The following CARMIL2 variants were observed in gnomAD, a reference collection of about 807,000 sequenced individuals.
The protein encoded by CARMIL2 is capping protein regulator and myosin 1 linker 2, also known as capping protein, Arp2/3 and myosin-I linker protein 2.
CARMIL2 carries 96 observed loss-of-function variants against 173.3 expected under a neutral mutation model. That is an observed-to-expected ratio of 0.55 (90% confidence interval 0.47 to 0.66). The LOEUF (loss-of-function observed/expected upper bound fraction) is 0.66, where lower values mean the gene tolerates loss of function less well. Among genes scored for constraint, CARMIL2 ranks in the 30% least tolerant of loss-of-function variants. CARMIL2 has a pLI of 0.00. For synonymous variants in CARMIL2, 830 were observed against 817.1 expected (o/e 1.02, Z -0.27); for missense variants, 1,771 against 1,906.7 (o/e 0.93, Z 1.33).
Position 67,645,650 on chromosome 16 carries a change from A to C in CARMIL2, c.132+19A>C. 1 of 1,613,420 alleles carries C rather than the reference A, an allele frequency of 6.2e-7. No homozygotes were observed. The highest frequency in any genetic ancestry group is 8.5e-7 in the Non-Finnish European group (1 of 1,179,712). ...TGTCCTGGTATGGGGCAGGGGACAG[A>C]GCCGGGGAGGCGGCTGTGGCCCCAC... On this transcript the variant is annotated intron_variant, in intron 2 of 37. Coordinates refer to ENST00000334583, the MANE Select transcript of CARMIL2 (RefSeq NM_001013838.3).
rs1396051096 is a variant in CARMIL2, at chr16:67,656,081, T to C, written c.3742+14T>C. ...CTGGCTCAGATGGTAAGTGGGACCC[T>C]GGGGTGTGGCAGTACATTTGCCAGG... On this transcript the variant is annotated intron_variant, in intron 33 of 37. Coordinates refer to ENST00000334583, the MANE Select transcript of CARMIL2 (RefSeq NM_001013838.3). The C allele has an allele frequency of 6.2e-7, 1 of 1,607,260 alleles. No homozygotes were observed. Among genetic ancestry groups the C allele is most frequent in the Non-Finnish European group, 8.5e-7 (1 of 1,176,774 alleles).
At position 67,650,064 on chromosome 16, in the gene CARMIL2, T is replaced by C. The variant is rs776393840; in HGVS notation, c.2098T>C (p.Leu700=). The change falls in exon 22 of 38, where the codon TTG becomes CTG. Residue 700 remains leucine, a synonymous_variant. Coordinates refer to ENST00000334583, the MANE Select transcript of CARMIL2 (RefSeq NM_001013838.3). ...TTGCCCCTAGATCCAAGCCTGTCTC[T>C]TGAGGAACAACCGCGCAGACCCTGC... ...RAVHQIQACL[L]RNNRADPASS... 1.2e-6 allele frequency: 2 copies of C among 1,613,866 alleles called. No homozygotes were observed. Among genetic ancestry groups the C allele is most frequent in the Non-Finnish European group, 1.7e-6 (2 of 1,179,872 alleles).
intron 11 of CARMIL2, 22 bp from the exon 12 acceptor site, chr16:67,647,658 G>A (rs367874910): frequency 5.0e-6 from 8 of 1,599,760 alleles, no homozygotes; most frequent in Non-Finnish European, 6.8e-6. Flanking sequence ...TGAGACCCAC[G>A]TGGCTGTTCC....
At chr16:67,655,609 CCA>C (rs1256388869) in intron 32 of CARMIL2, among the ~76,000 whole-genome samples, 1 of 152,122 alleles carries the variant, frequency 6.6e-6, no homozygotes, top group African/African-American at 2.4e-5. Flanking sequence ...ATCAGAGCCT[CCA>C]CACACGTCCC....
rs752353807 is a variant in CARMIL2 at position 67,650,004 on chromosome 16, C to G, written c.2082+36C>G. ...CCCTCTTCCCTTGCCCTTCTCTGCA[C>G]GGTAACTCCGTCCCTCGGCATTTCT... On this transcript the variant is annotated intron_variant, in intron 21 of 37. Coordinates refer to ENST00000334583, the MANE Select transcript of CARMIL2 (RefSeq NM_001013838.3). The G allele has an allele frequency of 1.7e-5, 27 of 1,613,394 alleles. No individual in the cohort carries two copies. In the East Asian group the frequency reaches 2.2e-4, roughly 13 times the overall value.
chr16:67,656,347 A>G, intron 34 of CARMIL2, 48 bp downstream of exon 34: 1 of 1,611,488 alleles, frequency 6.2e-7, no homozygotes, highest in South Asian at 1.1e-5. Context: ...AGGGACAGGC[A>G]GGAGTTGGGT....
In CARMIL2 at chr16:67,652,968, G is replaced by A. The variant is rs2142940450; in HGVS notation, c.2885-51G>A. 5 of 1,036,014 alleles carry A rather than the reference G, an allele frequency of 4.8e-6. No homozygotes were observed. Among genetic ancestry groups the A allele is most frequent in the Admixed American group, 3.9e-5 (1 of 25,482 alleles). 64.2% of individuals were successfully genotyped at this position (1,036,014 alleles called of 1,614,324 possible). ...CCCCCGCCGCCCTAGCGCCTCCGCC[G>A]CCACCTCCCCGGGCTCGGCGCTCGG... is the stretch of plus-strand genomic sequence containing the variant. On this transcript the variant is annotated intron_variant, in intron 28 of 37. Transcript: ENST00000334583. The surrounding 1 kb of genome is among the most constrained non-coding windows in gnomAD (Gnocchi z 4.7).
Position 67,649,497 on chromosome 16 carries a change from C to G in CARMIL2, c.1797C>G (p.Ser599Arg). The change falls in exon 20 of 38, where the codon AGC becomes AGG. Residue 599 changes from serine to arginine, a missense_variant. Around this residue, in one of 3 missense-constraint regions of CARMIL2, gnomAD observed 944 missense variants for 975.6 expected, o/e 0.97. Transcript: ENST00000334583. The surrounding 1 kb of genome is among the most constrained non-coding windows in gnomAD (Gnocchi z 6.7). The part of the protein sequence containing the change: ...VAESRLKLGA[S>R]VLLRALATNP... The stretch of plus-strand genomic sequence containing the variant: ...AGTCTCGGCTGAAGCTGGGTGCCAG[C>G]GTCCTACTCCGGGCCCTAGCCACCA... 1 of 1,609,814 alleles carries G rather than the reference C, an allele frequency of 6.2e-7. No individual in the cohort carries two copies. The highest frequency in any genetic ancestry group is 8.5e-7 in the Non-Finnish European group (1 of 1,179,880).
rs1437235171 is a variant in CARMIL2, at chr16:67,650,206, C to T, written c.2184+56C>T. The T allele has an allele frequency of 8.3e-6, 12 of 1,448,844 alleles. No homozygotes were observed. The East Asian group carries it at 9.7e-5, about 12-fold the overall frequency. 89.7% of individuals were successfully genotyped at this position (1,448,844 alleles called of 1,614,324 possible). A position where few individuals can be genotyped will look rare whatever the true frequency, so the allele number is the denominator to read the frequency against. ...AGGGCATGAGGAGACCTGTGGCATC[C>T]GGGAGCCTCCATGAGTCAGAGGGTC... On this transcript the variant is annotated intron_variant, in intron 22 of 37. Coordinates refer to ENST00000334583, the MANE Select transcript of CARMIL2 (RefSeq NM_001013838.3).
At position 67,648,947 on chromosome 16, in the gene CARMIL2, GT is replaced by G; in HGVS notation, c.1565del (p.Val522GlyfsTer16). The stretch of plus-strand genomic sequence containing the variant: ...AGACTTAGTGTGCGACGCAGGCGCT[GT>G]GAGCTCCCTGGATCTGGCGGATAAC... ...IQDLVCDAGA[V>X]SSLDLADNGF... On this transcript the variant is annotated frameshift_variant, in exon 17 of 38. Transcript: ENST00000334583. LOFTEE classifies it high-confidence loss of function. The surrounding 1 kb of genome is among the most constrained non-coding windows in gnomAD (Gnocchi z 6.1). 1 of 1,610,038 alleles carries G rather than the reference GT, an allele frequency of 6.2e-7. No individual in the cohort carries two copies. The highest frequency in any genetic ancestry group is 8.5e-7 in the Non-Finnish European group (1 of 1,178,412).
chr16:67,651,378 T>C lies in CARMIL2; in HGVS notation c.2314-23T>C, dbSNP rs1004877277. 28 of 1,599,488 alleles carry C rather than the reference T, an allele frequency of 1.8e-5. No individual in the cohort carries two copies. The highest frequency in any genetic ancestry group is 2.4e-5 in the Non-Finnish European group (28 of 1,169,882). Reference sequence around the variant, plus strand: ...TCTTAGTCAGGTGTCAGCTCGCAACTGCTTTTCCTCTTTGGCCCTCAGATT... The same window carrying C: ...TCTTAGTCAGGTGTCAGCTCGCAACCGCTTTTCCTCTTTGGCCCTCAGATT... On this transcript the variant is annotated intron_variant, in intron 23 of 37. Transcript: ENST00000334583. The surrounding 1 kb of genome is among the most constrained non-coding windows in gnomAD (Gnocchi z 4.2).
intron 1 of CARMIL2, 120 bp from the exon 2 acceptor site, chr16:67,645,420 C>A: frequency 1.5e-6 from 2 of 1,346,130 alleles, no homozygotes; most frequent in Non-Finnish European, 2.1e-6. Flanking sequence ...GCCCCAGATC[C>A]TCTCCCCTCC....
Position 67,646,733 on chromosome 16 carries a change from C to T in CARMIL2, c.486C>T (p.Tyr162=), listed in dbSNP as rs767924418. 26 of 1,613,842 alleles carry T rather than the reference C, an allele frequency of 1.6e-5. No homozygotes were observed. The highest frequency in any genetic ancestry group is 2.2e-5 in the East Asian group (1 of 44,886). ...CCCCAGGTGGCTTCTTGGAGACATA[C>T]GAGGCTCTGTGTGACTACAATGGCT... The part of the protein sequence containing the change: ...CSPCGGFLET[Y]EALCDYNGFP... The change falls in exon 7 of 38, where the codon TAC becomes TAT. Residue 162 remains tyrosine, a synonymous_variant. Transcript: ENST00000334583. The surrounding 1 kb of genome is among the most constrained non-coding windows in gnomAD (Gnocchi z 4.6).
rs2052631761 is a variant in CARMIL2, at chr16:67,648,004, C to T, written c.1071+46C>T. ...TGGGAGCTTGGGGTTGCTCATAAGCCCTGGGTAGGCGATCCCCCACTCCAT... is the reference window on the plus strand; with the variant it reads ...TGGGAGCTTGGGGTTGCTCATAAGCTCTGGGTAGGCGATCCCCCACTCCAT... On this transcript the variant is annotated intron_variant, in intron 13 of 37. Transcript: ENST00000334583. This position sits in a 1 kb window ranked among gnomAD's most constrained non-coding sequence, Gnocchi z 6.1. 1 of 1,606,798 alleles carries T rather than the reference C, an allele frequency of 6.2e-7. No individual in the cohort carries two copies. The highest frequency in any genetic ancestry group is 8.5e-7 in the Non-Finnish European group (1 of 1,176,700).
In CARMIL2 at chr16:67,654,773, C is replaced by G. The variant is rs763621569; in HGVS notation, c.3583-5C>G. 24 of 1,613,276 alleles carry G rather than the reference C, an allele frequency of 1.5e-5. No homozygotes were observed. In the South Asian group the frequency reaches 2.4e-4, roughly 16 times the overall value. On this transcript the variant is annotated splice_region_variant and splice_polypyrimidine_tract_variant and intron_variant, in intron 31 of 37. Coordinates refer to ENST00000334583, the MANE Select transcript of CARMIL2 (RefSeq NM_001013838.3). Reference sequence around the variant, plus strand: ...TGTCTCCAACTCGAGCATCTCTGTCCCTAGCGGCGGCCCCTGGAGCGGGGA... The same window carrying G: ...TGTCTCCAACTCGAGCATCTCTGTCGCTAGCGGCGGCCCCTGGAGCGGGGA...
In CARMIL2 at chr16:67,649,910, A is replaced by G. The variant is rs2052688950; in HGVS notation, c.2024A>G (p.Asn675Ser). 1.2e-6 allele frequency: 2 copies of G among 1,612,928 alleles called. No homozygotes were observed. The highest frequency in any genetic ancestry group is 2.7e-5 in the African/African-American group (2 of 74,870). ...HSLKAMPLPL[N>S]DVAQAQRSRP... The stretch of plus-strand genomic sequence containing the variant: ...CTGAAGGCCATGCCTCTGCCACTGA[A>G]CGACGTGGCCCAGGCGCAGCGCAGC... Residue 675 changes from asparagine to serine, a missense_variant, in exon 21 of 38, where the codon AAC becomes AGC. By Grantham distance (46) the Asn-to-Ser change is conservative (BLOSUM62 1). Around this residue, in one of 3 missense-constraint regions of CARMIL2, gnomAD observed 944 missense variants for 975.6 expected, o/e 0.97. Transcript: ENST00000334583. This position sits in a 1 kb window ranked among gnomAD's most constrained non-coding sequence, Gnocchi z 6.7.
Position 67,649,262 on chromosome 16 carries a change from T to C in CARMIL2, c.1697T>C (p.Leu566Pro). The C allele has an allele frequency of 6.2e-7, 1 of 1,613,006 alleles. No homozygotes were observed. The highest frequency in any genetic ancestry group is 8.5e-7 in the Non-Finnish European group (1 of 1,179,638). ...RNFNVRCKET[L>P]DDVLHRIVQL... ...GCGGCCCCTGCCCACAGGGAGACCC[T>C]GGACGACGTCCTGCACCGGATTGTC... Residue 566 changes from leucine (L) to proline (P), a missense_variant, in exon 19 of 38, where the codon CTG (leucine) becomes CCG (proline). Leu to Pro is a moderately conservative substitution (Grantham distance 98). Transcript: ENST00000334583. The surrounding 1 kb of genome is among the most constrained non-coding windows in gnomAD (Gnocchi z 6.7).
At chr16:67,654,756 A>T (rs1350114869) in intron 31 of CARMIL2, 22 bp from the exon 32 acceptor site, 8 of 1,612,794 alleles carry the variant, frequency 5.0e-6, no homozygotes, top group South Asian at 3.3e-5. Flanking sequence ...ACTGTCTCCA[A>T]CTCGAGCATC....
rs1475160264 is a variant in CARMIL2 at position 67,657,322 on chromosome 16, A to G, written c.4195+6A>G. The G allele has an allele frequency of 6.2e-7, 1 of 1,613,286 alleles. No homozygotes were observed. Among genetic ancestry groups the G allele is most frequent in the Non-Finnish European group, 8.5e-7 (1 of 1,179,664 alleles). ...ACCTCCATCCCCAAGCCTAGGTAAG[A>G]GGGGGTCCAGGCCAGCTGGGAGGGT... On this transcript the variant is annotated splice_donor_region_variant and intron_variant, in intron 37 of 37. Transcript: ENST00000334583. The surrounding 1 kb of genome is among the most constrained non-coding windows in gnomAD (Gnocchi z 4.5).
Sources: allele counts gnomAD v4.1 joint callset (sites outside exome capture counted in the v4.1 genomes callset), GRCh38; gene constraint gnomAD v4.1.1; regional missense constraint gnomAD v4.1.1; non-coding constraint Gnocchi (gnomAD v3.1); transcripts MANE v1.5; gene names NCBI Gene and HGNC (gene_info 2026-07-23, HGNC 2026-07-21).